ABCA8: variants seen among roughly 807,000 people sequenced by gnomAD.
ABCA8 encodes the protein ATP binding cassette subfamily A member 8.
In ABCA8, 177 loss-of-function variants were observed where a neutral mutation model predicts 192.3. The ratio of observed to expected loss-of-function variants is 0.92; its 90% CI spans 0.81 to 1.04. ABCA8 has a LOEUF of 1.04. Ranked by LOEUF, ABCA8 falls within the 50% of genes least tolerant of loss-of-function variation. The probability of loss-of-function intolerance (pLI) is 0.00; values close to 1 mark genes in which losing one functional copy is unlikely to be tolerated. For missense variants in ABCA8, 1,915 were observed against 1,904.8 expected (o/e 1.01, Z -0.10); for synonymous variants, 642 against 690.2 (o/e 0.93, Z 1.09).
intron 1 of ABCA8, among the ~76,000 whole-genome samples, chr17:68,953,710 G>T (rs561894568): frequency 6.6e-6 from 1 of 151,756 alleles, no homozygotes; most frequent in Non-Finnish European, 1.5e-5. Context: ...GCTGTGCAAG[G>T]CTCTCCTTAC....
chr17:68,945,094 G>A (rs2068361421), intron 2 of ABCA8, among the ~76,000 whole-genome samples: 2 of 152,136 alleles, frequency 1.3e-5, no homozygotes. Context: ...AGATAATGGA[G>A]GGGGTCTCCT....
rs8075332 is a variant in ABCA8 at position 68,883,155 on chromosome 17, A to G, written c.3708-436T>C. On this transcript the variant is annotated intron_variant, in intron 29 of 39. Transcript: ENST00000586539. ...CTAAGTCTGATAATATCCAGGATATACTTATTCTAGTCTCTCTTCCCTTGA... is the reference window on the plus strand; with the variant it reads ...CTAAGTCTGATAATATCCAGGATATGCTTATTCTAGTCTCTCTTCCCTTGA... 7.3e-3 allele frequency among the ~76,000 whole-genome samples: 1,111 copies of G among 152,310 alleles called. 10 individuals are homozygous for G. The highest frequency in any genetic ancestry group is 0.025 in the African/African-American group (1,060 of 41,580).
chr17:68,931,322 C>T (rs1305127698), intron 7 of ABCA8, among the ~76,000 whole-genome samples: 1 of 152,174 alleles, frequency 6.6e-6, no homozygotes, highest in Admixed American at 6.5e-5. Context: ...ACAGTTTATA[C>T]CATTCATGGG....
chr17:68,906,177 A>AT lies in ABCA8; in HGVS notation c.2279-15dup. 6.7e-7 allele frequency: 1 copy of AT among 1,489,230 alleles called. No individual in the cohort carries two copies. The allele number at this position is 1,489,230 out of a possible 1,614,324, so 92.3% of individuals were successfully genotyped here. On this transcript the variant is annotated splice_polypyrimidine_tract_variant and intron_variant, in intron 18 of 39. Coordinates refer to ENST00000586539, the MANE Select transcript of ABCA8 (RefSeq NM_001288985.2). The stretch of plus-strand genomic sequence containing the variant: ...CCTTGTAAAGTTCTAAAGAATACAT[A>AT]TACAGCAGTGAATTAAAACAAGAAT...
At chr17:68,892,584 G>A (rs2066644176) in intron 23 of ABCA8, among the ~76,000 whole-genome samples, 1 of 152,166 alleles carries the variant, frequency 6.6e-6, no homozygotes, top group Admixed American at 6.5e-5. Context: ...AGGATATCTT[G>A]ATAGATAGAA....
Position 68,870,337 on chromosome 17 carries a change from C to T in ABCA8, c.4632-558G>A, listed in dbSNP as rs139998793. Reference sequence around the variant, plus strand: ...TTAGTTCTCTTTTTGGAATCCCAACCGGCCCCATCTTGGGACAGTTTGGGG... The same window carrying T: ...TTAGTTCTCTTTTTGGAATCCCAACTGGCCCCATCTTGGGACAGTTTGGGG... On this transcript the variant is annotated intron_variant, in intron 37 of 39. Transcript: ENST00000586539. Among the ~76,000 whole-genome samples, 555 of 152,282 alleles carry T rather than the reference C, an allele frequency of 3.6e-3. 3 individuals carry two copies. The highest frequency in any genetic ancestry group is 0.012 in the African/African-American group (510 of 41,552).
At chr17:68,941,692 C>T (rs1018974122) in intron 3 of ABCA8, among the ~76,000 whole-genome samples, 1 of 152,164 alleles carries the variant, frequency 6.6e-6, no homozygotes, top group Non-Finnish European at 1.5e-5. Flanking sequence ...GCTTTTAAAA[C>T]ATGTATTGAT....
Position 68,869,723 on chromosome 17 carries a change from T to C in ABCA8, c.4688A>G (p.Gln1563Arg). ...LPVEDVQPLA[Q>R]AFFKLEKVKQ... ...ACCCTTCTCTAATTTGAAGAAAGCT[T>C]GGGCTAAAGGTTGCACATCTTCCAC... Residue 1563 changes from glutamine (Q) to arginine (R), a missense_variant, in exon 38 of 40, where the codon CAA (glutamine) becomes CGA (arginine). Transcript: ENST00000586539. 1 of 1,612,890 alleles carries C rather than the reference T, an allele frequency of 6.2e-7. No individual in the cohort carries two copies. Among genetic ancestry groups the C allele is most frequent in the Non-Finnish European group, 8.5e-7 (1 of 1,178,982 alleles).
rs147157569 is a variant in ABCA8 at position 68,876,521 on chromosome 17, A to T, written c.4309T>A (p.Ser1437Thr). The change falls in exon 35 of 40, where the codon TCA becomes ACA. Residue 1437 changes from serine to threonine, a missense_variant. Ser to Thr is a moderately conservative substitution (Grantham distance 58). Transcript: ENST00000586539. ...CFVLSILGNP[S>T]VVLLDEPSTG... ...GACGGCTCATCCAGAAGCACCACTG[A>T]CGGGTTCCCCAGTATGCTCAGGACA... 145 of 1,614,054 alleles carry T rather than the reference A, an allele frequency of 9.0e-5. No homozygotes were observed. The Middle Eastern group carries it at 9.9e-4, about 11-fold the overall frequency.
rs762389369 is a variant in ABCA8 at position 68,918,188 on chromosome 17, A to G, written c.1909-3T>C. The G allele has an allele frequency of 1.9e-6, 3 of 1,613,990 alleles. No individual in the cohort carries two copies. The highest frequency in any genetic ancestry group is 1.3e-5 in the African/African-American group (1 of 74,950). ...GTTGGTTCATCCAACAGGAAAATCT[A>G]TAAACGAGGAAAGTATATAAGGCGG... On this transcript the variant is annotated splice_region_variant and splice_polypyrimidine_tract_variant and intron_variant, in intron 15 of 39. Coordinates refer to ENST00000586539, the MANE Select transcript of ABCA8 (RefSeq NM_001288985.2).
chr17:68,889,409 G>A lies in ABCA8; in HGVS notation c.3145-1903C>T, dbSNP rs116942662. Among the ~76,000 whole-genome samples, 63 of 152,248 alleles carry A rather than the reference G, an allele frequency of 4.1e-4. 1 individual carries two copies. The East Asian group carries it at 0.012, about 29-fold the overall frequency. On this transcript the variant is annotated intron_variant, in intron 24 of 39. Coordinates refer to ENST00000586539, the MANE Select transcript of ABCA8 (RefSeq NM_001288985.2). ...TGATTTGTAAACACATTATAGATTC[G>A]TTTGGATTAATGAGTGTCTGTAAAT...
chr17:68,930,985 C>A (rs2067854767), intron 7 of ABCA8, among the ~76,000 whole-genome samples: 1 of 152,188 alleles, frequency 6.6e-6, no homozygotes, highest in Admixed American at 6.5e-5. Flanking sequence ...AATCACCCAA[C>A]CTCTGACATT....
In ABCA8 at chr17:68,932,655, C is replaced by T. The variant is rs1429664750; in HGVS notation, c.571-141G>A. The T allele has an allele frequency of 9.9e-5, 63 of 636,956 alleles. No homozygotes were observed. In the East Asian group the frequency reaches 1.7e-3, roughly 17 times the overall value. 39.5% of individuals were successfully genotyped at this position (636,956 alleles called of 1,614,324 possible). A position where few individuals can be genotyped will look rare whatever the true frequency, so the allele number is the denominator to read the frequency against. ...CTAAATTTCCACTTCTATGTCCTGT[C>T]ATTGACCTGCTGGGACCTCGGAGTC... On this transcript the variant is annotated intron_variant, in intron 6 of 39. Transcript: ENST00000586539.
At chr17:68,925,196 TAGAA>T (rs1227943062) in intron 10 of ABCA8, among the ~76,000 whole-genome samples, 1 of 152,222 alleles carries the variant, frequency 6.6e-6, no homozygotes, top group East Asian at 1.9e-4. Flanking sequence ...GAATTCTGTC[TAGAA>T]GACCAGGTGT....
chr17:68,946,808 G>A (rs2068422477), intron 2 of ABCA8, among the ~76,000 whole-genome samples: 2 of 152,154 alleles, frequency 1.3e-5, no homozygotes, highest in South Asian at 4.2e-4. Flanking sequence ...GGGCATGGTG[G>A]CATGCACCTT....
rs755815018 is a variant in ABCA8, at chr17:68,887,123, C to A, written c.3323G>T (p.Cys1108Phe). ...GAGGGAAAAGGAATAACCAACAGCA[C>A]ATGGGATCTAAAATCAACAGGAATG... ...LTIIHIIQIPCAVGYSFSLIF... is the reference protein window; with the variant it reads ...LTIIHIIQIPFAVGYSFSLIF... The change falls in exon 26 of 40, where the codon TGT becomes TTT. Residue 1108 changes from cysteine (C) to phenylalanine (F), a missense_variant. Coordinates refer to ENST00000586539, the MANE Select transcript of ABCA8 (RefSeq NM_001288985.2). The A allele has an allele frequency of 6.3e-7, 1 of 1,596,452 alleles. No individual in the cohort carries two copies.
In ABCA8 at chr17:68,881,178, G is replaced by C. The variant is rs1316350270; in HGVS notation, c.3980C>G (p.Ala1327Gly). Residue 1327 changes from alanine (A) to glycine (G), a missense_variant, in exon 32 of 40, where the codon GCT becomes GGT. Physicochemically the swap from Ala to Gly is moderately conservative, Grantham distance 60. Transcript: ENST00000586539. ...EVLGLLGHNG[A>G]GKSTSIKVIT... is the part of the protein sequence containing the mutation. Reference sequence around the variant, plus strand: ...CACCTTAATGGATGTGCTTTTACCAGCTCCATTGTGTCCTAATAATCCTAA... The same window carrying C: ...CACCTTAATGGATGTGCTTTTACCACCTCCATTGTGTCCTAATAATCCTAA... 6.2e-7 allele frequency: 1 copy of C among 1,613,692 alleles called. No homozygotes were observed. The highest frequency in any genetic ancestry group is 1.1e-5 in the South Asian group (1 of 91,068).
intron 38 of ABCA8, among the ~76,000 whole-genome samples, 185 bp downstream of exon 38, chr17:68,869,515 C>A (rs905156967): frequency 2.6e-5 from 4 of 152,140 alleles, no homozygotes; most frequent in Non-Finnish European, 5.9e-5. Context: ...CTCTCATTAT[C>A]CCCTGGCACA....
rs1398369401 is a variant in ABCA8, at chr17:68,932,517, G to A, written c.571-3C>T. 6.2e-7 allele frequency: 1 copy of A among 1,602,004 alleles called. No homozygotes were observed. The highest frequency in any genetic ancestry group is 1.7e-5 in the Admixed American group (1 of 59,678). On this transcript the variant is annotated splice_polypyrimidine_tract_variant and splice_region_variant and intron_variant, in intron 6 of 39. Transcript: ENST00000586539. ...ATCACTGAGTGATTTGTTGTGATCT[G>A]AAGAAAGGCATTAATAAGCAAAATT... is the stretch of plus-strand genomic sequence containing the variant.
Sources: allele counts gnomAD v4.1 joint callset (sites outside exome capture counted in the v4.1 genomes callset), GRCh38; gene constraint gnomAD v4.1.1; transcripts MANE v1.5; gene names NCBI Gene and HGNC (gene_info 2026-07-23, HGNC 2026-07-21).